Variants in PMEPA1 observed in about 807,000 individuals in gnomAD.
PMEPA1 encodes protein TMEPAI.
PMEPA1 carries 11 observed loss-of-function variants against 23.0 expected under a neutral mutation model. The ratio of observed to expected loss-of-function variants is 0.48; its 90% CI spans 0.30 to 0.79. PMEPA1 has a LOEUF of 0.79. PMEPA1 is among the 30% of genes least tolerant of loss of function. The pLI is 0.06. For synonymous variants in PMEPA1, 204 were observed against 166.4 expected (o/e 1.23, Z -1.74); for missense variants, 377 against 390.9 (o/e 0.96, Z 0.30).
chr20:57,709,537 C>T lies in PMEPA1; in HGVS notation c.46G>A (p.Gly16Arg), dbSNP rs2072136747. Residue 16 changes from glycine (G) to arginine (R), a missense_variant, in exon 1 of 4, where the codon GGG becomes AGG. Around this residue, in one of 3 missense-constraint regions of PMEPA1, gnomAD observed 198 missense variants for 196.3 expected, o/e 1.01. Transcript: ENST00000341744. ...GVNSTAAAAA[G>R]QPNVSCTCNC... ...CACGTGCAGGAGACATTGGGCTGCC[C>T]GGCGGCGGCGGCGGCGGTGCTGTTG... 3 of 1,053,254 alleles carry T rather than the reference C, an allele frequency of 2.8e-6. No individual in the cohort carries two copies. The highest frequency in any genetic ancestry group is 5.9e-5 in the South Asian group (2 of 33,974). 65.2% of individuals were successfully genotyped at this position (1,053,254 alleles called of 1,614,324 possible). A position where few individuals can be genotyped will look rare whatever the true frequency, so the allele number is the denominator to read the frequency against.
intron 1 of PMEPA1, among the ~76,000 whole-genome samples, chr20:57,703,094 T>A (rs1304306847): frequency 6.6e-6 from 1 of 152,196 alleles, no homozygotes; most frequent in Non-Finnish European, 1.5e-5. Context: ...TGTAGTGTCA[T>A]CCAACGGGAA....
intron 1 of PMEPA1, among the ~76,000 whole-genome samples, chr20:57,688,266 G>C (rs563832890): frequency 4.6e-5 from 7 of 152,214 alleles, no homozygotes; most frequent in Non-Finnish European, 8.8e-5. Context: ...AAGTTGGAGA[G>C]GGGGGTGTCT....
intron 1 of PMEPA1, among the ~76,000 whole-genome samples, chr20:57,665,853 C>T (rs2071485186): frequency 6.6e-6 from 1 of 152,194 alleles, no homozygotes; most frequent in East Asian, 1.9e-4. Flanking sequence ...ATATTGGTGC[C>T]GCTTCATACA....
chr20:57,651,969 G>A lies in PMEPA1; in HGVS notation c.*84C>T. The A allele has an allele frequency of 1.7e-6, 2 of 1,203,940 alleles. No individual in the cohort carries two copies. Among genetic ancestry groups the A allele is most frequent in the Non-Finnish European group, 1.1e-6 (1 of 890,674 alleles). The allele number at this position is 1,203,940 out of a possible 1,614,324, so 74.6% of individuals were successfully genotyped here. ...CACACGATGCGTTGCTGCGCCCCCC[G>A]CCTTCCTCTCACTCCTCTTCTAAGA... On this transcript the variant is annotated 3_prime_UTR_variant, in exon 4 of 4. Coordinates refer to ENST00000341744, the MANE Select transcript of PMEPA1 (RefSeq NM_020182.5).
Position 57,652,233 on chromosome 20 carries a change from C to A in PMEPA1, c.684G>T (p.Pro228=). The change falls in exon 4 of 4, where the codon CCG becomes CCT. Residue 228 remains proline, a synonymous_variant. Coordinates refer to ENST00000341744, the MANE Select transcript of PMEPA1 (RefSeq NM_020182.5). The surrounding 1 kb of genome is among the most constrained non-coding windows in gnomAD (Gnocchi z 6.1). ...CYGSGGRMEG[P]PPTYSEVIGH... is the part of the protein sequence containing the mutation. ...CGATGACCTCGCTGTAGGTGGGCGG[C>A]GGCCCCTCCATGCGCCCGCCGCTGC... The A allele has an allele frequency of 1.2e-6, 2 of 1,606,842 alleles. No homozygotes were observed. Among genetic ancestry groups the A allele is most frequent in the South Asian group, 1.1e-5 (1 of 90,872 alleles).
chr20:57,662,682 G>A (rs2071438068), intron 1 of PMEPA1, among the ~76,000 whole-genome samples: 1 of 152,190 alleles, frequency 6.6e-6, no homozygotes, highest in Non-Finnish European at 1.5e-5. Flanking sequence ...GGTACACACA[G>A]GGCTGGCTTT....
intron 2 of PMEPA1, among the ~76,000 whole-genome samples, chr20:57,657,520 G>C (rs1416565611): frequency 2.0e-5 from 3 of 152,254 alleles, no homozygotes; most frequent in Non-Finnish European, 4.4e-5. Flanking sequence ...TGGAGTGGTA[G>C]CAACAGCAAA....
chr20:57,669,419 C>T (rs570751575), intron 1 of PMEPA1, among the ~76,000 whole-genome samples: 1 of 152,288 alleles, frequency 6.6e-6, no homozygotes, highest in East Asian at 1.9e-4. Context: ...CCTCGGCCTC[C>T]AAAAGTGCTG....
At chr20:57,693,661 A>G (rs1414496812) in intron 1 of PMEPA1, among the ~76,000 whole-genome samples, 1 of 152,254 alleles carries the variant, frequency 6.6e-6, no homozygotes, top group Non-Finnish European at 1.5e-5. Flanking sequence ...CCTATTCTGC[A>G]GAATATCCAC....
At chr20:57,706,473 G>T (rs2072090309) in intron 1 of PMEPA1, among the ~76,000 whole-genome samples, 3 of 152,226 alleles carry the variant, frequency 2.0e-5, no homozygotes, top group Non-Finnish European at 2.9e-5. Context: ...TAAAAGAAAG[G>T]GTTTTCCCAC....
chr20:57,690,804 C>A (rs2071872328), intron 1 of PMEPA1, among the ~76,000 whole-genome samples: 1 of 152,194 alleles, frequency 6.6e-6, no homozygotes, highest in Admixed American at 6.5e-5. Flanking sequence ...TGGTGAGGAT[C>A]CAGGAGCCGG....
intron 3 of PMEPA1, 23 bp downstream of exon 3, chr20:57,653,010 G>A: frequency 2.5e-6 from 4 of 1,584,842 alleles, no homozygotes; most frequent in Non-Finnish European, 3.4e-6. Flanking sequence ...GGGTGTTGGA[G>A]GGGAGGCCGA....
chr20:57,657,095 G>A (rs2071336770), intron 2 of PMEPA1, among the ~76,000 whole-genome samples: 1 of 152,182 alleles, frequency 6.6e-6, no homozygotes, highest in Non-Finnish European at 1.5e-5. Context: ...CTTCCTGGCA[G>A]CAGGATCCCA....
chr20:57,675,359 C>T (rs2071622259), intron 1 of PMEPA1, among the ~76,000 whole-genome samples: 1 of 152,216 alleles, frequency 6.6e-6, no homozygotes, highest in Admixed American at 6.5e-5. Context: ...CATGCCTTCA[C>T]CTCCTCCGAC....
upstream of PMEPA1, chr20:57,710,281 C>T: frequency 1.5e-6 from 1 of 662,114 alleles, no homozygotes; most frequent in Non-Finnish European, 2.3e-6. Flanking sequence ...GGCCGGGGAG[C>T]CGAACTCGGT....
At chr20:57,672,232 T>C (rs2071578721) in intron 1 of PMEPA1, among the ~76,000 whole-genome samples, 1 of 152,278 alleles carries the variant, frequency 6.6e-6, no homozygotes, top group Non-Finnish European at 1.5e-5. Flanking sequence ...CTCACATGTG[T>C]GTTTCCAACC....
chr20:57,680,355 G>A (rs763997406), intron 1 of PMEPA1, among the ~76,000 whole-genome samples: 7 of 152,190 alleles, frequency 4.6e-5, no homozygotes, highest in Non-Finnish European at 8.8e-5. Flanking sequence ...AGATGATTTT[G>A]CCCCAGGGGA....
Position 57,656,899 on chromosome 20 carries a change from T to C in PMEPA1, c.264+2644A>G, listed in dbSNP as rs968361932. 5.9e-5 allele frequency among the ~76,000 whole-genome samples: 9 copies of C among 152,156 alleles called. No individual in the cohort carries two copies. Among genetic ancestry groups the C allele is most frequent in the African/African-American group, 1.7e-4 (7 of 41,456 alleles). On this transcript the variant is annotated intron_variant, in intron 2 of 3. Transcript: ENST00000341744. The surrounding 1 kb of genome is among the most constrained non-coding windows in gnomAD (Gnocchi z 4.7). Reference sequence around the variant, plus strand: ...GATAAGAGCTGTATGTGGATCTCTATGGAAGGCCGCGGGGCCCAGGGACTC... The same window carrying C: ...GATAAGAGCTGTATGTGGATCTCTACGGAAGGCCGCGGGGCCCAGGGACTC...
At chr20:57,696,745 A>G (rs1463241132) in intron 1 of PMEPA1, among the ~76,000 whole-genome samples, 1 of 152,328 alleles carries the variant, frequency 6.6e-6, no homozygotes, top group Middle Eastern at 3.4e-3. Flanking sequence ...CTCTGAGTCT[A>G]TTCTGGGAAA....
Sources: allele counts gnomAD v4.1 joint callset (sites outside exome capture counted in the v4.1 genomes callset), GRCh38; gene constraint gnomAD v4.1.1; regional missense constraint gnomAD v4.1.1; non-coding constraint Gnocchi (gnomAD v3.1); transcripts MANE v1.5; gene names NCBI Gene and HGNC (gene_info 2026-07-23, HGNC 2026-07-21).